The following COX7B2 variants were observed in gnomAD, a reference collection of about 807,000 sequenced individuals.
COX7B2 encodes cytochrome c oxidase subunit 7B2, mitochondrial.
For synonymous variants in COX7B2, 37 were observed against 32.1 expected, an observed-to-expected ratio of 1.15 and a Z score of -0.51; for missense variants, 109 against 95.9, an observed-to-expected ratio of 1.14 and a Z score of -0.57.
At chr4:46,774,124 G>C (rs756855955) in intron 2 of COX7B2, among the ~76,000 whole-genome samples, 1 of 152,110 alleles carries the variant, frequency 6.6e-6, no homozygotes, top group Non-Finnish European at 1.5e-5. Context: ...TCACGCTTTT[G>C]ATATTTTCAA....
chr4:46,790,259 T>G (rs1175791954), intron 2 of COX7B2, among the ~76,000 whole-genome samples: 2 of 152,330 alleles, frequency 1.3e-5, no homozygotes, highest in South Asian at 4.1e-4. Flanking sequence ...TAACCTAAGG[T>G]TGGTTCTGCA....
intron 2 of COX7B2, among the ~76,000 whole-genome samples, chr4:46,741,565 A>C (rs1714712671): frequency 6.6e-6 from 1 of 152,044 alleles, no homozygotes; most frequent in African/African-American, 2.4e-5. Flanking sequence ...AAGGCAACTT[A>C]AAATCTAAGA....
intron 1 of COX7B2, among the ~76,000 whole-genome samples, chr4:46,852,460 G>A (rs1716746292): frequency 6.6e-6 from 1 of 151,606 alleles, no homozygotes; most frequent in Admixed American, 6.6e-5. Context: ...TGGTGTTTAA[G>A]GACCAAAGTC....
chr4:46,779,120 C>T (rs1004397774), intron 2 of COX7B2, among the ~76,000 whole-genome samples: 1 of 152,156 alleles, frequency 6.6e-6, no homozygotes, highest in Admixed American at 6.5e-5. Context: ...GTTATAGCTA[C>T]AATTCATTTA....
intron 1 of COX7B2, among the ~76,000 whole-genome samples, chr4:46,902,159 A>G (rs777873786): frequency 6.6e-6 from 1 of 152,208 alleles, no homozygotes; most frequent in Non-Finnish European, 1.5e-5. Flanking sequence ...ACACAGTATG[A>G]GGAAAGTCCT....
At position 46,812,471 on chromosome 4, in the gene COX7B2, C is replaced by T. The variant is rs1253468798; in HGVS notation, c.-50+32489G>A. Among the ~76,000 whole-genome samples the T allele has an allele frequency of 5.9e-5, 9 of 151,956 alleles. 1 individual carries two copies. Among genetic ancestry groups the T allele is most frequent in the South Asian group, 2.1e-4 (1 of 4,800 alleles). On this transcript the variant is annotated intron_variant, in intron 2 of 2. Transcript: ENST00000355591. The stretch of plus-strand genomic sequence containing the variant: ...AACAGGGCACACTGGCAGGTGGGCT[C>T]CAGGGAATAAGGTACCATGAGGTGG...
chr4:46,894,528 A>G (rs1719634482), intron 1 of COX7B2, among the ~76,000 whole-genome samples: 1 of 152,142 alleles, frequency 6.6e-6, no homozygotes, highest in Non-Finnish European at 1.5e-5. Context: ...CCAAAACTCT[A>G]AAAGCTCTGG....
intron 1 of COX7B2, among the ~76,000 whole-genome samples, chr4:46,866,040 A>G (rs1717642967): frequency 6.6e-6 from 1 of 152,180 alleles, no homozygotes; most frequent in Non-Finnish European, 1.5e-5. Flanking sequence ...TGCTGTGTTA[A>G]TGACACAAGA....
At chr4:46,861,611 C>T (rs1369829145) in intron 1 of COX7B2, among the ~76,000 whole-genome samples, 1 of 152,116 alleles carries the variant, frequency 6.6e-6, no homozygotes, top group East Asian at 1.9e-4. Context: ...AGAAATGGTT[C>T]TTTGTTATAA....
rs149400503 is a variant in COX7B2 at position 46,864,962 on chromosome 4, T to C, written c.-104-19948A>G. Among the ~76,000 whole-genome samples, 262 of 152,236 alleles carry C rather than the reference T, an allele frequency of 1.7e-3. 1 individual carries two copies. The highest frequency in any genetic ancestry group is 5.8e-3 in the African/African-American group (241 of 41,522). On this transcript the variant is annotated intron_variant, in intron 1 of 2. Transcript: ENST00000355591. ...CCTGGGCTTTTATTATGATTATTAT[T>C]ATGATTATTTCAATAGCTTTGGGGA... is the stretch of plus-strand genomic sequence containing the variant.
intron 2 of COX7B2, among the ~76,000 whole-genome samples, chr4:46,757,971 G>C (rs1422686328): frequency 6.6e-6 from 1 of 152,074 alleles, no homozygotes; most frequent in East Asian, 1.9e-4. Context: ...TAATGCAGAA[G>C]CTTGCAGGCC....
chr4:46,899,889 A>T (rs543563788), intron 1 of COX7B2, among the ~76,000 whole-genome samples: 2 of 152,266 alleles, frequency 1.3e-5, no homozygotes, highest in South Asian at 4.2e-4. Flanking sequence ...AATGACAAAA[A>T]GTCATGTACT....
Position 46,735,115 on chromosome 4 carries a change from G to A in COX7B2, c.78C>T (p.Ser26=), listed in dbSNP as rs759415873. 1 of 1,613,868 alleles carries A rather than the reference G, an allele frequency of 6.2e-7. No individual in the cohort carries two copies. The highest frequency in any genetic ancestry group is 8.5e-7 in the Non-Finnish European group (1 of 1,179,868). The change falls in exon 3 of 3, where the codon AGC becomes AGT. Residue 26 remains serine, a synonymous_variant. Transcript: ENST00000355591. The stretch of plus-strand genomic sequence containing the variant: ...GAAAATCTGGTGAGTGTTTTACATG[G>A]CTATGTCTTGCCATGCTTTGCAGAA... ...QSILQSMARH[S]HVKHSPDFHD...
At chr4:46,785,330 T>C (rs1055940500) in intron 2 of COX7B2, among the ~76,000 whole-genome samples, 3 of 152,122 alleles carry the variant, frequency 2.0e-5, no homozygotes, top group Non-Finnish European at 4.4e-5. Flanking sequence ...TCTATTGTTG[T>C]TGAAAAAATG....
chr4:46,821,190 A>G (rs1321958603), intron 2 of COX7B2, among the ~76,000 whole-genome samples: 1 of 152,228 alleles, frequency 6.6e-6, no homozygotes, highest in African/African-American at 2.4e-5. Flanking sequence ...AAATTCAATA[A>G]GGAATCATGA....
chr4:46,884,727 TTTC>T (rs1218943520), intron 1 of COX7B2, among the ~76,000 whole-genome samples: 1 of 152,226 alleles, frequency 6.6e-6, no homozygotes, highest in East Asian at 1.9e-4. Context: ...TTTGAGCAGT[TTTC>T]TTAATCTTTT....
chr4:46,823,652 A>C (rs1369315394), intron 2 of COX7B2, among the ~76,000 whole-genome samples: 1 of 151,782 alleles, frequency 6.6e-6, no homozygotes, highest in Non-Finnish European at 1.5e-5. Flanking sequence ...CTTACATTAA[A>C]AATAAAGTTG....
At chr4:46,739,098 G>A (rs1480849815) in intron 2 of COX7B2, among the ~76,000 whole-genome samples, 1 of 152,060 alleles carries the variant, frequency 6.6e-6, no homozygotes, top group Non-Finnish European at 1.5e-5. Context: ...GTGTAGTAAG[G>A]AAACTAACAT....
At chr4:46,887,502 G>C (rs1719146891) in intron 1 of COX7B2, among the ~76,000 whole-genome samples, 1 of 152,014 alleles carries the variant, frequency 6.6e-6, no homozygotes, top group Non-Finnish European at 1.5e-5. Context: ...ACGAGGTCAG[G>C]AGATCGAGAC....
Sources: gnomAD v4.1 joint callset for allele counts (sites outside exome capture counted in the v4.1 genomes callset) on GRCh38, gnomAD v4.1.1 for gene constraint, MANE v1.5 for transcripts, NCBI Gene and HGNC (gene_info 2026-07-23, HGNC 2026-07-21) for gene names.